The following RFX3 variants were observed in gnomAD, a reference collection of about 807,000 sequenced individuals.
RFX3 encodes regulatory factor X3, also known as transcription factor RFX3.
In RFX3, 14 loss-of-function variants were observed where a neutral mutation model predicts 98.6. That is an observed-to-expected ratio of 0.14 (90% CI 0.09 to 0.22). RFX3 has a LOEUF of 0.22. Among genes scored for constraint, RFX3 ranks in the 10% least tolerant of loss-of-function variants. RFX3 has a pLI of 1.00. For missense variants in RFX3, 639 were observed against 926.9 expected (o/e 0.69, Z 4.03); for synonymous variants, 383 against 328.4 (o/e 1.17, Z -1.80).
At chr9:3,472,029 G>C (rs972130199) in intron 1 of RFX3, among the ~76,000 whole-genome samples, 1 of 152,076 alleles carries the variant, frequency 6.6e-6, no homozygotes, top group African/African-American at 2.4e-5. Context: ...GACACAGAAG[G>C]GTCTTTTTTT....
chr9:3,378,439 C>G (rs576399055), intron 2 of RFX3, among the ~76,000 whole-genome samples: 2 of 152,036 alleles, frequency 1.3e-5, no homozygotes, highest in Admixed American at 1.3e-4. Context: ...CTCAGGATGC[C>G]TCATTCATAT....
intron 5 of RFX3, among the ~76,000 whole-genome samples, chr9:3,297,794 C>T (rs1208425602): frequency 1.3e-5 from 2 of 151,788 alleles, no homozygotes; most frequent in East Asian, 1.9e-4. Context: ...ATAAAATAGA[C>T]GGCTAGAGCT....
chr9:3,368,116 C>T (rs1324074527), intron 2 of RFX3, among the ~76,000 whole-genome samples: 1 of 152,120 alleles, frequency 6.6e-6, no homozygotes, highest in African/African-American at 2.4e-5. Context: ...TCTTCTGCCT[C>T]TAAGTGAAAA....
Position 3,525,949 on chromosome 9 carries a change from AGAGAGAGC to A in RFX3, c.-219_-212del. On this transcript the variant is annotated 5_prime_UTR_variant, in exon 1 of 17. Coordinates refer to ENST00000617270, the MANE Select transcript of RFX3 (RefSeq NM_001282116.2). Reference sequence around the variant, plus strand: ...AAAAGAGAGAGAGAGAGGGAGAGAGAGAGAGAGCGAGAGGGAGAGGGAGACACTCGCAC... The same window carrying A: ...AAAAGAGAGAGAGAGAGGGAGAGAGAGAGAGGGAGAGGGAGACACTCGCAC... 1.5e-6 allele frequency: 1 copy of A among 682,740 alleles called. No homozygotes were observed. Among genetic ancestry groups the A allele is most frequent in the Non-Finnish European group, 1.8e-6 (1 of 563,606 alleles). The allele number at this position is 682,740 out of a possible 1,614,324, so 42.3% of individuals were successfully genotyped here.
chr9:3,456,925 G>C (rs1847214272), intron 1 of RFX3, among the ~76,000 whole-genome samples: 1 of 151,722 alleles, frequency 6.6e-6, no homozygotes, highest in Non-Finnish European at 1.5e-5. Context: ...GAGGCGGGTG[G>C]ATCATGAGGT....
At chr9:3,313,543 A>G (rs2920366) in intron 4 of RFX3, among the ~76,000 whole-genome samples, 21,957 of 152,238 alleles carry the variant, frequency 0.14, 1,684 homozygotes, top group Middle Eastern at 0.21. Flanking sequence ...AGAGAAGAAG[A>G]CTTCAGACGA....
At chr9:3,524,872 C>G (rs1386481811) in intron 1 of RFX3, among the ~76,000 whole-genome samples, 2 of 104,848 alleles carry the variant, frequency 1.9e-5, no homozygotes, top group Non-Finnish European at 3.6e-5. Flanking sequence ...CACACACACA[C>G]ACACACCAAA....
chr9:3,483,400 A>T (rs1035563064), intron 1 of RFX3, among the ~76,000 whole-genome samples: 9 of 152,172 alleles, frequency 5.9e-5, no homozygotes, highest in African/African-American at 1.9e-4. Flanking sequence ...TTGTATTTCC[A>T]GACTACTGCA....
At chr9:3,301,135 C>A (rs908867109) in intron 5 of RFX3, among the ~76,000 whole-genome samples, 2 of 151,810 alleles carry the variant, frequency 1.3e-5, no homozygotes, top group Non-Finnish European at 2.9e-5. Flanking sequence ...ATTAATCATC[C>A]TTTTTCTACT....
chr9:3,320,924 G>C (rs2130738656), intron 4 of RFX3, among the ~76,000 whole-genome samples: 1 of 150,784 alleles, frequency 6.6e-6, no homozygotes, highest in South Asian at 2.1e-4. Context: ...TTTCTTTTTT[G>C]AGACAGAGTC....
rs1185430560 is a variant in RFX3 at position 3,525,856 on chromosome 9, G to A, written c.-118C>T. The A allele has an allele frequency of 2.6e-5, 26 of 985,250 alleles. No individual in the cohort carries two copies. Among genetic ancestry groups the A allele is most frequent in the Non-Finnish European group, 3.0e-5 (25 of 829,586 alleles). 61.0% of individuals were successfully genotyped at this position (985,250 alleles called of 1,614,324 possible). A position where few individuals can be genotyped will look rare whatever the true frequency, so the allele number is the denominator to read the frequency against. ...AGGAGAGGAGTAGTTGTTGTTGATG[G>A]GTAACAGTCGCCAGGACTACGGTGA... On this transcript the variant is annotated 5_prime_UTR_variant, in exon 1 of 17. Transcript: ENST00000617270.
At chr9:3,417,348 G>A (rs1303635328) in intron 1 of RFX3, among the ~76,000 whole-genome samples, 5 of 151,948 alleles carry the variant, frequency 3.3e-5, no homozygotes, top group Non-Finnish European at 5.9e-5. Context: ...GACATTTATA[G>A]AACATTCTAC....
chr9:3,487,579 T>G (rs537395663), intron 1 of RFX3, among the ~76,000 whole-genome samples: 2 of 152,286 alleles, frequency 1.3e-5, no homozygotes, highest in East Asian at 1.9e-4. Flanking sequence ...TGATCATCAC[T>G]TCTAGCAACT....
At chr9:3,483,871 G>A (rs562776585) in intron 1 of RFX3, among the ~76,000 whole-genome samples, 1 of 152,194 alleles carries the variant, frequency 6.6e-6, no homozygotes, top group South Asian at 2.1e-4. Flanking sequence ...TTTACCTCAT[G>A]TCTTCTAGTA....
In RFX3 at chr9:3,488,915, T is replaced by C. The variant is rs1438409311; in HGVS notation, c.-9+36832A>G. The C allele has an allele frequency of 1.1e-5, 11 of 983,976 alleles. No individual in the cohort carries two copies. The South Asian group carries it at 1.9e-4, about 17-fold the overall frequency. 61.0% of individuals were successfully genotyped at this position (983,976 alleles called of 1,614,324 possible). ...TGGCTGCTAAAACAAAGACCATATA[T>C]CAAATTGAAATAAGGAGTACCTTGT... On this transcript the variant is annotated intron_variant, in intron 1 of 16. Transcript: ENST00000617270.
intron 1 of RFX3, among the ~76,000 whole-genome samples, chr9:3,424,417 A>G (rs1442173295): frequency 1.2e-3 from 139 of 117,710 alleles, no homozygotes; most frequent in Non-Finnish European, 1.7e-3. Context: ...GCTGGAGTGC[A>G]GTGGCGCGAT....
chr9:3,247,166 C>G (rs1053305522), intron 15 of RFX3: 1 of 985,276 alleles, frequency 1.0e-6, no homozygotes, highest in African/African-American at 1.7e-5. Context: ...ATAAACTACC[C>G]CCGCCTCCTG....
chr9:3,218,755 T>G lies in RFX3; in HGVS notation c.*6287A>C, dbSNP rs1817196783. 6.6e-6 allele frequency: 1 copy of G among 152,116 alleles called. No individual in the cohort carries two copies. The highest frequency in any genetic ancestry group is 2.4e-5 in the African/African-American group (1 of 41,434). 9.4% of individuals were successfully genotyped at this position (152,116 alleles called of 1,614,324 possible). ...ATTACATTATCTCACACATACAATC[T>G]CTACAAAAGTTGCTTACCTCATTTA... is the stretch of plus-strand genomic sequence containing the variant. On this transcript the variant is annotated 3_prime_UTR_variant, in exon 17 of 17. Coordinates refer to ENST00000617270, the MANE Select transcript of RFX3 (RefSeq NM_001282116.2).
rs183755557 is a variant in RFX3 at position 3,500,909 on chromosome 9, C to T, written c.-9+24838G>A. Among the ~76,000 whole-genome samples, 513 of 152,232 alleles carry T rather than the reference C, an allele frequency of 3.4e-3. 3 individuals carry two copies. The highest frequency in any genetic ancestry group is 0.012 in the African/African-American group (481 of 41,554). On this transcript the variant is annotated intron_variant, in intron 1 of 16. Coordinates refer to ENST00000617270, the MANE Select transcript of RFX3 (RefSeq NM_001282116.2). ...GATCTTAAAGAATCAAAGTTCTAAA[C>T]TGGTTACATGAATACTTAGGACCCT...
Sources: allele counts gnomAD v4.1 joint callset (sites outside exome capture counted in the v4.1 genomes callset), GRCh38; gene constraint gnomAD v4.1.1; transcripts MANE v1.5; gene names NCBI Gene and HGNC (gene_info 2026-07-23, HGNC 2026-07-21).